Variants in PAH observed in about 807,000 individuals in gnomAD.
PAH encodes phenylalanine-4-hydroxylase.
A neutral mutation model predicts 62.0 loss-of-function variants in PAH; 64 were observed. The ratio of observed to expected loss-of-function variants is 1.03; its 90% CI spans 0.84 to 1.27. The LOEUF (loss-of-function observed/expected upper bound fraction) is 1.27. PAH is among the 50% of genes most tolerant of loss of function. The probability of loss-of-function intolerance (pLI) is 0.00; values close to 1 mark genes in which losing one functional copy is unlikely to be tolerated. For missense variants in PAH, 579 were observed against 542.8 expected, an observed-to-expected ratio of 1.07 and a Z score of -0.66; for synonymous variants, 195 against 196.2, an observed-to-expected ratio of 0.99 and a Z score of 0.05.
intron 5 of PAH, among the ~76,000 whole-genome samples, chr12:102,866,371 A>C (rs541864695): frequency 1.8e-4 from 27 of 152,178 alleles, no homozygotes; most frequent in Admixed American, 1.1e-3. Context: ...CACAGTGGGT[A>C]ATTTTGTTTT....
chr12:102,924,934 A>T (rs970217946), intron 1 of PAH, among the ~76,000 whole-genome samples: 1 of 152,180 alleles, frequency 6.6e-6, no homozygotes, highest in African/African-American at 2.4e-5. Flanking sequence ...AAGTGTGGAA[A>T]GTCTGCCTAG....
At chr12:102,914,371 C>T (rs1592989650) in intron 1 of PAH, 1 of 152,760 alleles carries the variant, frequency 6.5e-6, no homozygotes, top group African/African-American at 2.4e-5. Flanking sequence ...TGGCAACAAC[C>T]TAAGAGGTAG....
intron 1 of PAH, among the ~76,000 whole-genome samples, chr12:102,934,465 A>C (rs142755724): frequency 0.014 from 2,055 of 151,874 alleles, 26 homozygotes; most frequent in Non-Finnish European, 0.021. Flanking sequence ...GAAGAATGTC[A>C]TTGATATTTT....
chr12:102,948,805 G>C (rs1256926812), intron 1 of PAH, among the ~76,000 whole-genome samples: 2 of 152,196 alleles, frequency 1.3e-5, no homozygotes, highest in Admixed American at 1.3e-4. Flanking sequence ...CAATTTGCCA[G>C]ATTCTGATTT....
In PAH at chr12:102,940,217, C is replaced by T. The variant is rs534372170; in HGVS notation, c.-96+10372G>A. 4.9e-4 allele frequency among the ~76,000 whole-genome samples: 74 copies of T among 152,294 alleles called. No homozygotes were observed. In the South Asian group the frequency reaches 0.014, roughly 30 times the overall value. ...GACACCACAGTTAAAGAACATCATC[C>T]CACACAGATGAGAAAGAACCAGCAT... On this transcript the variant is annotated intron_variant, in intron 1 of 3. Transcript: ENST00000546844.
At chr12:102,865,994 G>A (rs1419605045) in intron 5 of PAH, among the ~76,000 whole-genome samples, 1 of 151,862 alleles carries the variant, frequency 6.6e-6, no homozygotes, top group East Asian at 1.9e-4. Flanking sequence ...ACTCAAAGGA[G>A]CAAAGCTGTT....
At chr12:102,855,035 C>T in intron 6 of PAH, 101 bp downstream of exon 6, 2 of 944,962 alleles carry the variant, frequency 2.1e-6, no homozygotes, top group Non-Finnish European at 3.5e-6. Context: ...CAAGCACATG[C>T]TTTCATACTT....
At chr12:102,919,107 AAACTGAGGC>A (rs1463916184), upstream of PAH, among the ~76,000 whole-genome samples, 1 of 152,208 alleles carries the variant, frequency 6.6e-6, no homozygotes, top group Non-Finnish European at 1.5e-5. Context: ...AATAGGCAAG[AAACTGAGGC>A]CTAGGAAGTT....
chr12:102,885,395 C>T (rs1183328605), intron 3 of PAH, among the ~76,000 whole-genome samples: 7 of 152,190 alleles, frequency 4.6e-5, no homozygotes, highest in East Asian at 1.9e-4. Flanking sequence ...CCAAATACCT[C>T]GGCCGGTGGG....
In PAH at chr12:102,866,525, A is replaced by T. The variant is rs2136663054; in HGVS notation, c.509+71T>A. On this transcript the variant is annotated intron_variant, in intron 5 of 12. Transcript: ENST00000553106. ...GCTGGTATTTTCCATCCTCAACTGGATGAGGGCAAGGGAGAAGCAGGCTAG... is the reference window on the plus strand; with the variant it reads ...GCTGGTATTTTCCATCCTCAACTGGTTGAGGGCAAGGGAGAAGCAGGCTAG... 9 of 1,181,220 alleles carry T rather than the reference A, an allele frequency of 7.6e-6. No individual in the cohort carries two copies. The Middle Eastern group carries it at 7.7e-4, about 101-fold the overall frequency. The allele number at this position is 1,181,220 out of a possible 1,614,324, so 73.2% of individuals were successfully genotyped here. A position where few individuals can be genotyped will look rare whatever the true frequency, so the allele number is the denominator to read the frequency against.
intron 2 of PAH, among the ~76,000 whole-genome samples, chr12:102,902,863 G>T (rs937019100): frequency 6.6e-6 from 1 of 152,172 alleles, no homozygotes; most frequent in Non-Finnish European, 1.5e-5. Context: ...TTTTCTTTCA[G>T]TCACCTCCCA....
intron 4 of PAH, among the ~76,000 whole-genome samples, chr12:102,868,689 C>T (rs1043324782): frequency 6.6e-6 from 1 of 151,816 alleles, no homozygotes; most frequent in African/African-American, 2.4e-5. Flanking sequence ...AACTGGGCAC[C>T]ATGATTTACT....
At chr12:102,891,807 A>G (rs547282936) in intron 3 of PAH, among the ~76,000 whole-genome samples, 4 of 152,098 alleles carry the variant, frequency 2.6e-5, no homozygotes, top group African/African-American at 9.6e-5. Flanking sequence ...CTGGTTTACT[A>G]TATATTCCCT....
At chr12:102,939,346 G>C (rs1385765663) in intron 1 of PAH, among the ~76,000 whole-genome samples, 1 of 152,114 alleles carries the variant, frequency 6.6e-6, no homozygotes, top group Non-Finnish European at 1.5e-5. Context: ...AGGCCAGACT[G>C]TCTTCCCCCA....
chr12:102,851,741 C>T lies in PAH; in HGVS notation c.858G>A (p.Glu286=), dbSNP rs556021587. The change falls in exon 8 of 13, where the codon GAG becomes GAA. Residue 286 remains glutamate (E), a synonymous_variant. Transcript: ENST00000553106. ...MYTPEPDICH[E]LLGHVPLFSD... is the part of the protein sequence containing the mutation. ...AAAACAAGGGCACATGTCCCAACAG[C>T]TCATGGCAGATGTCACTGAAAGACA... The T allele has an allele frequency of 2.5e-6, 4 of 1,614,100 alleles. No individual in the cohort carries two copies. Among genetic ancestry groups the T allele is most frequent in the Non-Finnish European group, 3.4e-6 (4 of 1,179,964 alleles).
intron 9 of PAH, among the ~76,000 whole-genome samples, chr12:102,844,822 G>T (rs1305609278): frequency 6.6e-6 from 1 of 152,186 alleles, no homozygotes; most frequent in Non-Finnish European, 1.5e-5. Flanking sequence ...TTTGGTCTCA[G>T]ACTGAGAGCT....
At chr12:102,849,521 G>A (rs1382571602) in intron 8 of PAH, among the ~76,000 whole-genome samples, 1 of 152,174 alleles carries the variant, frequency 6.6e-6, no homozygotes, top group East Asian at 1.9e-4. Flanking sequence ...TGTAGACAGA[G>A]ATGAAGACTA....
chr12:102,847,264 C>A, intron 8 of PAH: 2 of 404,454 alleles, frequency 4.9e-6, no homozygotes, highest in South Asian at 4.8e-5. Context: ...TCTCTTGACT[C>A]CAGCTCAGTG....
intron 1 of PAH, among the ~76,000 whole-genome samples, chr12:102,939,132 C>T (rs1357780118): frequency 6.6e-6 from 1 of 152,046 alleles, no homozygotes; most frequent in East Asian, 1.9e-4. Flanking sequence ...GCAGAAACCC[C>T]CACTTGGGCC....
Sources: allele counts gnomAD v4.1 joint callset (sites outside exome capture counted in the v4.1 genomes callset), GRCh38; gene constraint gnomAD v4.1.1; transcripts MANE v1.5; gene names NCBI Gene and HGNC (gene_info 2026-07-23, HGNC 2026-07-21).